The following FAM184B variants were observed in gnomAD, a reference collection of about 807,000 sequenced individuals.
FAM184B encodes the protein protein FAM184B.
FAM184B carries 111 observed loss-of-function variants against 135.9 expected under a neutral mutation model. The ratio of observed to expected loss-of-function variants is 0.82; its 90% CI spans 0.70 to 0.96. The LOEUF is 0.96. FAM184B is among the 40% of genes least tolerant of loss of function. The pLI is 0.00. For missense variants in FAM184B, 1,375 were observed against 1,323.9 expected (o/e 1.04, Z -0.60); for synonymous variants, 552 against 524.8 (o/e 1.05, Z -0.71).
rs970913442 is a variant in FAM184B, at chr4:17,781,264, G to A, written c.36C>T (p.Pro12=). 7 of 1,550,150 alleles carry A rather than the reference G, an allele frequency of 4.5e-6. No homozygotes were observed. The highest frequency in any genetic ancestry group is 1.2e-5 in the South Asian group (1 of 83,774). Residue 12 remains proline, a synonymous_variant, in exon 1 of 18, where the codon CCC becomes CCT. Transcript: ENST00000265018. The surrounding 1 kb of genome is among the most constrained non-coding windows in gnomAD (Gnocchi z 6.5). ...ASALNSKINP[P]GTCQGSKADG... ...CGGCTTTGGAGCCCTGGCAAGTGCCGGGCGGGTTAATTTTGCTGTTGAGAG... is the reference window on the plus strand; with the variant it reads ...CGGCTTTGGAGCCCTGGCAAGTGCCAGGCGGGTTAATTTTGCTGTTGAGAG...
intron 1 of FAM184B, among the ~76,000 whole-genome samples, chr4:17,720,613 C>T (rs899725046): frequency 4.5e-4 from 69 of 152,040 alleles, no homozygotes; most frequent in African/African-American, 1.5e-3. Context: ...TAGGGCGAGG[C>T]GCGGTGGCTC....
At chr4:17,742,721 G>A (rs1251652634) in intron 1 of FAM184B, among the ~76,000 whole-genome samples, 3 of 152,170 alleles carry the variant, frequency 2.0e-5, no homozygotes, top group Non-Finnish European at 4.4e-5. Context: ...TTCCCATCCC[G>A]TTGGCAGCCT....
At chr4:17,660,314 G>A (rs756112114) in intron 8 of FAM184B, among the ~76,000 whole-genome samples, 4 of 151,930 alleles carry the variant, frequency 2.6e-5, no homozygotes, top group Admixed American at 6.6e-5. Flanking sequence ...AGCAGGAACC[G>A]CCTGATAGCT....
intron 7 of FAM184B, among the ~76,000 whole-genome samples, chr4:17,668,378 C>T (rs1716099586): frequency 6.6e-6 from 1 of 152,214 alleles, no homozygotes; most frequent in African/African-American, 2.4e-5. Context: ...TTGATGCACC[C>T]TTTAATCTCC....
chr4:17,745,730 A>C (rs2108985588), intron 1 of FAM184B, among the ~76,000 whole-genome samples: 1 of 152,224 alleles, frequency 6.6e-6, no homozygotes, highest in South Asian at 2.1e-4. Flanking sequence ...TTTTCAGAGG[A>C]CCCAAACTGA....
chr4:17,761,980 G>A (rs1012521168), intron 1 of FAM184B, among the ~76,000 whole-genome samples: 4 of 152,084 alleles, frequency 2.6e-5, no homozygotes, highest in Non-Finnish European at 4.4e-5. Context: ...GATCTCAGGC[G>A]CTCTCTCTTT....
At chr4:17,708,709 A>ATATATATTGTGTGT (rs3066655) in intron 2 of FAM184B, among the ~76,000 whole-genome samples, 183 bp downstream of exon 2, 1 of 38,840 alleles carries the variant, frequency 2.6e-5, no homozygotes, top group Non-Finnish European at 4.7e-5. Context: ...ATATATATAT[A>ATATATATTGTGTGT]GTGTCTGTGT....
chr4:17,649,583 C>CA (rs10564359), intron 11 of FAM184B, among the ~76,000 whole-genome samples: 2,352 of 136,086 alleles, frequency 0.017, 65 homozygotes, highest in African/African-American at 0.056. Context: ...GACTCCATCT[C>CA]AAAAAAAAAA....
intron 1 of FAM184B, among the ~76,000 whole-genome samples, chr4:17,775,420 C>T (rs531965692): frequency 5.9e-5 from 9 of 152,270 alleles, no homozygotes; most frequent in Admixed American, 6.5e-5. Context: ...CTCCTGACCT[C>T]GTGATCTGCC....
chr4:17,658,865 C>T (rs755468045), intron 9 of FAM184B, among the ~76,000 whole-genome samples: 18 of 152,090 alleles, frequency 1.2e-4, no homozygotes, highest in Non-Finnish European at 1.5e-4. Context: ...TCAGGTGCTG[C>T]TCGAATCTGG....
intron 12 of FAM184B, among the ~76,000 whole-genome samples, chr4:17,646,233 A>G (rs935761108): frequency 2.4e-4 from 37 of 152,066 alleles, no homozygotes; most frequent in Non-Finnish European, 5.3e-4. Flanking sequence ...TACTGGGTAT[A>G]TACCCAAAGG....
chr4:17,694,071 C>A (rs888678865), intron 5 of FAM184B, among the ~76,000 whole-genome samples: 7 of 152,236 alleles, frequency 4.6e-5, no homozygotes, highest in African/African-American at 1.7e-4. Context: ...AAGGAACATT[C>A]TGGGGACCAC....
chr4:17,694,522 C>CAAA (rs5856442), intron 5 of FAM184B, among the ~76,000 whole-genome samples: 13 of 141,528 alleles, frequency 9.2e-5, no homozygotes, highest in African/African-American at 2.1e-4. Flanking sequence ...GACTCCATCT[C>CAAA]AAAAAAAAAA....
At chr4:17,665,070 A>T (rs1716016142) in intron 7 of FAM184B, among the ~76,000 whole-genome samples, 1 of 152,168 alleles carries the variant, frequency 6.6e-6, no homozygotes, top group South Asian at 2.1e-4. Context: ...ACCCTCAGAG[A>T]GAGGTCCTTG....
chr4:17,639,258 C>T lies in FAM184B; in HGVS notation c.2658G>A (p.Leu886=). 1 of 1,551,664 alleles carries T rather than the reference C, an allele frequency of 6.4e-7. No homozygotes were observed. Residue 886 remains leucine (L), a synonymous_variant, in exon 14 of 18, where the codon CTG becomes CTA. Transcript: ENST00000265018. ...CCCGAGGCCTCACTTACTCGGCTTCCAGGGCAGCCAGCCGGGCCTGGAGCT... is the reference window on the plus strand; with the variant it reads ...CCCGAGGCCTCACTTACTCGGCTTCTAGGGCAGCCAGCCGGGCCTGGAGCT... ...QAQLQARLAA[L]EAELKDSGEK...
chr4:17,697,388 T>C (rs544887025), intron 5 of FAM184B, among the ~76,000 whole-genome samples: 90 of 149,944 alleles, frequency 6.0e-4, no homozygotes, highest in African/African-American at 2.0e-3. Flanking sequence ...TTTCCTGGGG[T>C]CAGTCACTTA....
At chr4:17,760,402 G>A (rs543920062) in intron 1 of FAM184B, among the ~76,000 whole-genome samples, 47 of 151,834 alleles carry the variant, frequency 3.1e-4, no homozygotes, top group African/African-American at 1.1e-3. Context: ...CCTGGGAGGC[G>A]GAGGTTGCAG....
In FAM184B at chr4:17,693,426, G is replaced by T; in HGVS notation, c.1378-14C>A. ...TGCTTCTACTTCCTAAATGATGATT[G>T]GAAGAGTTAACCATACAAGGCACGA... is the stretch of plus-strand genomic sequence containing the variant. On this transcript the variant is annotated splice_polypyrimidine_tract_variant and intron_variant, in intron 5 of 17. Transcript: ENST00000265018. The T allele has an allele frequency of 6.5e-7, 1 of 1,546,782 alleles. No individual in the cohort carries two copies. Among genetic ancestry groups the T allele is most frequent in the Non-Finnish European group, 8.8e-7 (1 of 1,142,814 alleles).
intron 5 of FAM184B, among the ~76,000 whole-genome samples, chr4:17,701,065 G>A (rs1457938690): frequency 6.6e-6 from 1 of 152,166 alleles, no homozygotes; most frequent in Non-Finnish European, 1.5e-5. Context: ...CAGTGAGACT[G>A]CTCTCCCCAG....
Sources: allele counts gnomAD v4.1 joint callset (sites outside exome capture counted in the v4.1 genomes callset), GRCh38; gene constraint gnomAD v4.1.1; non-coding constraint Gnocchi (gnomAD v3.1); transcripts MANE v1.5; gene names NCBI Gene and HGNC (gene_info 2026-07-23, HGNC 2026-07-21).